The following BCL2L13 variants were observed in gnomAD, a reference collection of about 807,000 sequenced individuals.
BCL2L13 encodes the protein BCL2 like 13.
BCL2L13 carries 13 observed loss-of-function variants against 25.8 expected under a neutral mutation model. The ratio of observed to expected loss-of-function variants is 0.50; its 90% CI spans 0.33 to 0.80. BCL2L13 has a LOEUF of 0.80. Among genes scored for constraint, BCL2L13 ranks in the 30% least tolerant of loss-of-function variants. BCL2L13 has a pLI of 0.02. For synonymous variants in BCL2L13, 244 were observed against 230.3 expected, an observed-to-expected ratio of 1.06 and a Z score of -0.54; for missense variants, 504 against 574.9, an observed-to-expected ratio of 0.88 and a Z score of 1.26.
intron 2 of BCL2L13, among the ~76,000 whole-genome samples, chr22:17,673,233 T>C (rs1451897214): frequency 1.3e-5 from 2 of 152,144 alleles, no homozygotes; most frequent in Non-Finnish European, 2.9e-5. Flanking sequence ...TTCTTTCCAT[T>C]CCTAGTTCTC....
At chr22:17,659,395 C>T (rs1390518265) in intron 2 of BCL2L13, among the ~76,000 whole-genome samples, 1 of 145,000 alleles carries the variant, frequency 6.9e-6, no homozygotes, top group Non-Finnish European at 1.6e-5. Context: ...GGTTGGGTGG[C>T]TCACGTCTGT....
At chr22:17,641,947 C>T (rs1236376898) in intron 1 of BCL2L13, among the ~76,000 whole-genome samples, 1 of 151,382 alleles carries the variant, frequency 6.6e-6, no homozygotes, top group Non-Finnish European at 1.5e-5. Flanking sequence ...CTACAGGCGC[C>T]CGCCACCACG....
chr22:17,694,666 A>G (rs1475711532), intron 4 of BCL2L13, among the ~76,000 whole-genome samples: 1 of 152,158 alleles, frequency 6.6e-6, no homozygotes, highest in Non-Finnish European at 1.5e-5. Context: ...CTTTCAGCAC[A>G]CTGGCTACGT....
At chr22:17,638,756 C>T (rs1372364392), upstream of BCL2L13, 2 of 1,231,694 alleles carry the variant, frequency 1.6e-6, no homozygotes, top group Non-Finnish European at 1.0e-6. Context: ...GGGGTGACCT[C>T]ACCCTCCAAC....
At chr22:17,673,300 A>G (rs146191715) in intron 2 of BCL2L13, among the ~76,000 whole-genome samples, 1,682 of 151,252 alleles carry the variant, frequency 0.011, 35 homozygotes, top group African/African-American at 0.035. Context: ...CTTCCTATCT[A>G]TGCAGTTGGT....
chr22:17,707,622 C>T (rs982933460), intron 6 of BCL2L13, among the ~76,000 whole-genome samples: 9 of 152,092 alleles, frequency 5.9e-5, no homozygotes, highest in Non-Finnish European at 1.2e-4. Flanking sequence ...TTGTAACTAA[C>T]GTATTATCCA....
rs1036418725 is a variant in BCL2L13 at position 17,730,338 on chromosome 22, ATTCT to A, written c.*2806_*2809del. On this transcript the variant is annotated 3_prime_UTR_variant, in exon 7 of 7. Transcript: ENST00000317582. ...GGTTCACCCATCTCCCCCTCGAGGCATTCTTGATACCCCTTCTCACCTGCATTTC... is the reference window on the plus strand; with the variant it reads ...GGTTCACCCATCTCCCCCTCGAGGCATGATACCCCTTCTCACCTGCATTTC... 3 of 152,106 alleles carry A rather than the reference ATTCT, an allele frequency of 2.0e-5. No individual in the cohort carries two copies. The highest frequency in any genetic ancestry group is 7.2e-5 in the African/African-American group (3 of 41,396). 9.4% of individuals were successfully genotyped at this position (152,106 alleles called of 1,614,324 possible). A position where few individuals can be genotyped will look rare whatever the true frequency, so the allele number is the denominator to read the frequency against.
chr22:17,649,254 T>G (rs905556628), intron 1 of BCL2L13, among the ~76,000 whole-genome samples: 2 of 152,078 alleles, frequency 1.3e-5, no homozygotes, highest in African/African-American at 4.8e-5. Flanking sequence ...CACGCCACCA[T>G]GCCTGGCTAA....
intron 2 of BCL2L13, among the ~76,000 whole-genome samples, chr22:17,669,711 C>T (rs966577594): frequency 6.6e-6 from 1 of 152,044 alleles, no homozygotes; most frequent in African/African-American, 2.4e-5. Context: ...TTAATCCATT[C>T]GTGGGTTAAT....
rs568818216 is a variant in BCL2L13, at chr22:17,689,863, C to CCA, written c.386+721_386+722insCA. ...ATCTCAAAAAAAAAAAAAAAAAACC[C>CCA]AAAAAACCGTTATATCTGTATCCCA... On this transcript the variant is annotated intron_variant, in intron 4 of 6. Transcript: ENST00000317582. Among the ~76,000 whole-genome samples, 426 of 144,936 alleles carry CCA rather than the reference C, an allele frequency of 2.9e-3. 5 individuals are homozygous for CCA. The highest frequency in any genetic ancestry group is 1.0e-2 in the African/African-American group (393 of 39,314).
At chr22:17,672,323 A>G (rs1296185755) in intron 2 of BCL2L13, among the ~76,000 whole-genome samples, 1 of 152,186 alleles carries the variant, frequency 6.6e-6, no homozygotes, top group Non-Finnish European at 1.5e-5. Context: ...ATAGATTTCG[A>G]AAGTATTTTG....
At chr22:17,648,389 G>A (rs1415976466) in intron 1 of BCL2L13, among the ~76,000 whole-genome samples, 1 of 151,894 alleles carries the variant, frequency 6.6e-6, no homozygotes, top group Non-Finnish European at 1.5e-5. Flanking sequence ...CTACACAACT[G>A]GAAGCTCAAG....
rs71201865 is a variant in BCL2L13 at position 17,674,605 on chromosome 22, CA to C, written c.122-8592del. Reference sequence around the variant, plus strand: ...TGGGCAACCGTGTGAGACTCTGTCTCAAAAAAAAAAAAAAAAAGAAAGAAAG... The same window carrying C: ...TGGGCAACCGTGTGAGACTCTGTCTCAAAAAAAAAAAAAAAAGAAAGAAAG... On this transcript the variant is annotated intron_variant, in intron 2 of 6. Coordinates refer to ENST00000317582, the MANE Select transcript of BCL2L13 (RefSeq NM_015367.4). 1.9e-3 allele frequency among the ~76,000 whole-genome samples: 236 copies of C among 125,096 alleles called. 1 individual carries two copies. Among genetic ancestry groups the C allele is most frequent in the South Asian group, 7.1e-3 (27 of 3,828 alleles). 82.1% of individuals were successfully genotyped at this position (125,096 alleles called of 152,430 possible).
chr22:17,655,826 C>G lies in BCL2L13; in HGVS notation c.115C>G (p.Pro39Ala). The stretch of plus-strand genomic sequence containing the variant: ...GCTGCAAGAGCAACATCTTTCCTCA[C>G]CCCAAGGTATTATCTTTGGCTTATG... ...EKLQEQHLSS[P>A]QGVQLDIASQ... is the part of the protein sequence containing the mutation. Residue 39 changes from proline (P) to alanine (A), a missense_variant, in exon 2 of 7, where the codon CCC becomes GCC. Physicochemically the swap from Pro to Ala is conservative, Grantham distance 27 (BLOSUM62 -1). Transcript: ENST00000317582. 1 of 1,612,194 alleles carries G rather than the reference C, an allele frequency of 6.2e-7. No individual in the cohort carries two copies.
At chr22:17,681,851 T>G (rs1180231430) in intron 2 of BCL2L13, among the ~76,000 whole-genome samples, 1 of 152,150 alleles carries the variant, frequency 6.6e-6, no homozygotes, top group African/African-American at 2.4e-5. Context: ...TGGTGCACCC[T>G]TGGTCACATT....
chr22:17,670,135 G>A (rs1435406836), intron 2 of BCL2L13, among the ~76,000 whole-genome samples: 1 of 152,014 alleles, frequency 6.6e-6, no homozygotes, highest in Non-Finnish European at 1.5e-5. Context: ...TATACCTGTT[G>A]TTATACCATA....
rs564853439 is a variant in BCL2L13 at position 17,657,153 on chromosome 22, T to G, written c.121+1321T>G. On this transcript the variant is annotated intron_variant, in intron 2 of 6. Transcript: ENST00000317582. ...TAGAGATTCTCCGTCTTTGGTGGTG[T>G]TTCAAACTTAAACACATCTTAGTGA... Among the ~76,000 whole-genome samples the G allele has an allele frequency of 1.1e-4, 16 of 152,208 alleles. No individual in the cohort carries two copies. The East Asian group carries it at 2.3e-3, about 22-fold the overall frequency.
intron 6 of BCL2L13, among the ~76,000 whole-genome samples, chr22:17,723,179 T>C (rs575173847): frequency 1.3e-5 from 2 of 151,796 alleles, no homozygotes; most frequent in African/African-American, 2.4e-5. Flanking sequence ...TCTCCCTCTC[T>C]CCCTCTCTCT....
chr22:17,714,247 T>G (rs565973700), intron 6 of BCL2L13, among the ~76,000 whole-genome samples: 1 of 150,562 alleles, frequency 6.6e-6, no homozygotes, highest in African/African-American at 2.4e-5. Context: ...GAGCAGAGAT[T>G]GCGCCACTGC....
Sources: gnomAD v4.1 joint callset for allele counts (sites outside exome capture counted in the v4.1 genomes callset) on GRCh38, gnomAD v4.1.1 for gene constraint, MANE v1.5 for transcripts, NCBI Gene and HGNC (gene_info 2026-07-23, HGNC 2026-07-21) for gene names.